Variants in MFSD11 observed in about 807,000 individuals in gnomAD.
MFSD11 encodes the protein major facilitator superfamily domain containing 11, also known as UNC93-like protein MFSD11.
MFSD11 carries 36 observed loss-of-function variants against 53.5 expected under a neutral mutation model. The ratio of observed to expected loss-of-function variants is 0.67; its 90% CI spans 0.52 to 0.89. The LOEUF is 0.89. MFSD11 is among the 40% of genes least tolerant of loss of function. The pLI is 0.00. For synonymous variants in MFSD11, 186 were observed against 184.9 expected (o/e 1.01, Z -0.05); for missense variants, 530 against 543.9 (o/e 0.97, Z 0.25).
At chr17:76,755,812 ATTTTTTTTT>A (rs552254902) in intron 8 of MFSD11, among the ~76,000 whole-genome samples, 56 of 19,508 alleles carry the variant, frequency 2.9e-3, no homozygotes, top group African/African-American at 8.6e-3. Flanking sequence ...ATATATATAT[ATTTTTTTTT>A]TTTTTTTTTT....
In MFSD11 at chr17:76,739,056, A is replaced by G; in HGVS notation, c.152+63A>G. On this transcript the variant is annotated intron_variant, in intron 2 of 12. Transcript: ENST00000685175. Reference sequence around the variant, plus strand: ...CAGTAGTTGCTTAAATCTCATCAGAATCACCAGCAATAGAATATTGTGATT... The same window carrying G: ...CAGTAGTTGCTTAAATCTCATCAGAGTCACCAGCAATAGAATATTGTGATT... 1.5e-5 allele frequency: 18 copies of G among 1,217,722 alleles called. 2 individuals are homozygous for G. In the South Asian group the frequency reaches 2.2e-4, roughly 15 times the overall value. The allele number at this position is 1,217,722 out of a possible 1,614,324, so 75.4% of individuals were successfully genotyped here. A position where few individuals can be genotyped will look rare whatever the true frequency, so the allele number is the denominator to read the frequency against.
the MFSD11 span, among the ~76,000 whole-genome samples, chr17:76,800,346 G>T: frequency 6.6e-6 from 1 of 152,006 alleles, no homozygotes; most frequent in African/African-American, 2.4e-5. Context: ...CCTTAAGGGA[G>T]GTAAAAAGTC....
At chr17:76,803,187 A>C in the MFSD11 span, among the ~76,000 whole-genome samples, 1 of 151,904 alleles carries the variant, frequency 6.6e-6, no homozygotes, top group Non-Finnish European at 1.5e-5. Context: ...AAACAAACAA[A>C]AAAAAACCCA....
chr17:76,757,191 A>G (rs1018699849), intron 8 of MFSD11, among the ~76,000 whole-genome samples: 2 of 152,188 alleles, frequency 1.3e-5, no homozygotes, highest in Admixed American at 6.5e-5. Flanking sequence ...AGACAGTTGG[A>G]CAGACTTTGC....
intron 11 of MFSD11, among the ~76,000 whole-genome samples, 196 bp downstream of exon 11, chr17:76,775,367 G>T (rs1362052981): frequency 6.6e-6 from 1 of 152,138 alleles, no homozygotes; most frequent in East Asian, 1.9e-4. Flanking sequence ...GTAATAGTTG[G>T]TTTTAACCTT....
chr17:76,740,915 T>C (rs988405395), intron 2 of MFSD11, 42 bp from the exon 3 acceptor site: 1 of 1,194,150 alleles, frequency 8.4e-7, no homozygotes, highest in Middle Eastern at 1.9e-4. Flanking sequence ...AAGGGCTTTG[T>C]TCTTTTTTTT....
the MFSD11 span, among the ~76,000 whole-genome samples, chr17:76,794,503 G>A: frequency 6.1e-5 from 9 of 148,606 alleles, no homozygotes; most frequent in South Asian, 1.0e-3. Flanking sequence ...TTAGCCAGGC[G>A]TGGTGGCAGG....
chr17:76,771,791 A>G (rs2081391002), intron 10 of MFSD11, among the ~76,000 whole-genome samples: 1 of 152,230 alleles, frequency 6.6e-6, no homozygotes, highest in Non-Finnish European at 1.5e-5. Context: ...GGTTGATCAG[A>G]GTAACCTGGG....
chr17:76,757,569 A>G (rs1384462930), intron 8 of MFSD11, among the ~76,000 whole-genome samples: 1 of 152,230 alleles, frequency 6.6e-6, no homozygotes, highest in African/African-American at 2.4e-5. Context: ...CCTACATACT[A>G]TCTAAAATCA....
chr17:76,786,109 G>A (rs1324398108), downstream of MFSD11, among the ~76,000 whole-genome samples: 1 of 146,452 alleles, frequency 6.8e-6, no homozygotes, highest in Non-Finnish European at 1.5e-5. Flanking sequence ...TGTTCCTTGA[G>A]TACCTGAGAC....
the MFSD11 span, among the ~76,000 whole-genome samples, chr17:76,797,165 C>T: frequency 6.6e-6 from 1 of 151,618 alleles, no homozygotes; most frequent in African/African-American, 2.4e-5. Flanking sequence ...CGAGACTCTT[C>T]CTCAATTAAA....
At chr17:76,775,284 G>A (rs1047879678) in intron 11 of MFSD11, 113 bp downstream of exon 11, 87 of 897,996 alleles carry the variant, frequency 9.7e-5, no homozygotes, top group Non-Finnish European at 1.3e-4. Context: ...GTCTCTCTAA[G>A]GTCATCTGTC....
the MFSD11 span, among the ~76,000 whole-genome samples, chr17:76,802,387 T>C: frequency 6.6e-6 from 1 of 152,216 alleles, no homozygotes; most frequent in Non-Finnish European, 1.5e-5. Context: ...AAATGGTACA[T>C]CTATTTTGGA....
chr17:76,765,258 G>A lies in MFSD11; in HGVS notation c.683-2128G>A, dbSNP rs142942973. On this transcript the variant is annotated intron_variant, in intron 8 of 12. Coordinates refer to ENST00000685175, the MANE Select transcript of MFSD11 (RefSeq NM_001242532.5). ...TTGTAGTCACGCCATTTGCTGAAAA[G>A]TCTGTTTTTTTGTCACTCTTGTCAA... is the stretch of plus-strand genomic sequence containing the variant. 8.4e-3 allele frequency among the ~76,000 whole-genome samples: 1,271 copies of A among 152,074 alleles called. 12 individuals are homozygous for A. Among genetic ancestry groups the A allele is most frequent in the African/African-American group, 0.029 (1,210 of 41,504 alleles).
downstream of MFSD11, among the ~76,000 whole-genome samples, chr17:76,782,727 C>T (rs2082199473): frequency 1.3e-5 from 2 of 151,766 alleles, no homozygotes; most frequent in Non-Finnish European, 2.9e-5. Flanking sequence ...ATCCACCCAC[C>T]TCAGCTTCCC....
At chr17:76,793,229 T>C in the MFSD11 span, among the ~76,000 whole-genome samples, 2 of 151,324 alleles carry the variant, frequency 1.3e-5, no homozygotes, top group Admixed American at 1.3e-4. Flanking sequence ...GGGAGCACTA[T>C]GGGAGACTGG....
At chr17:76,790,606 C>T in the MFSD11 span, among the ~76,000 whole-genome samples, 1 of 146,934 alleles carries the variant, frequency 6.8e-6, no homozygotes, top group Non-Finnish European at 1.5e-5. Flanking sequence ...GCGTGAGCCA[C>T]CGTGCCCGGC....
the MFSD11 span, among the ~76,000 whole-genome samples, chr17:76,788,146 T>G: frequency 2.0e-5 from 3 of 149,022 alleles, no homozygotes; most frequent in South Asian, 6.7e-4. Flanking sequence ...GTTCAAGAGA[T>G]TCTCATGCCT....
In MFSD11 at chr17:76,769,725, GT is replaced by G. The variant is rs749395158; in HGVS notation, c.749-13del. ...AAATGTGAATATATAAATGACATCT[GT>G]TTTTTTTCTTTAACTAAAGGTCTGG... On this transcript the variant is annotated intron_variant, in intron 9 of 12. Coordinates refer to ENST00000685175, the MANE Select transcript of MFSD11 (RefSeq NM_001242532.5). The G allele has an allele frequency of 1.9e-6, 3 of 1,557,564 alleles. No individual in the cohort carries two copies. Among genetic ancestry groups the G allele is most frequent in the Admixed American group, 2.0e-5 (1 of 49,316 alleles).
Sources: allele counts gnomAD v4.1 joint callset (sites outside exome capture counted in the v4.1 genomes callset), GRCh38; gene constraint gnomAD v4.1.1; transcripts MANE v1.5; gene names NCBI Gene and HGNC (gene_info 2026-07-23, HGNC 2026-07-21).